PIAS1: variants seen among roughly 807,000 people sequenced by gnomAD.
The protein encoded by PIAS1 is protein inhibitor of activated STAT 1.
A neutral mutation model predicts 71.3 loss-of-function variants in PIAS1; 6 were observed. The ratio of observed to expected loss-of-function variants is 0.08; its 90% CI spans 0.05 to 0.17. The LOEUF (loss-of-function observed/expected upper bound fraction) is 0.17. PIAS1 is among the 10% of genes least tolerant of loss of function. The pLI, the probability that PIAS1 is intolerant of heterozygous loss-of-function variation, is 1.00. For missense variants in PIAS1, 555 were observed against 793.6 expected (o/e 0.70, Z 3.61); for synonymous variants, 303 against 292.9 (o/e 1.03, Z -0.35).
intron 6 of PIAS1, among the ~76,000 whole-genome samples, chr15:68,149,466 A>G (rs924608051): frequency 7.2e-5 from 11 of 151,796 alleles, no homozygotes; most frequent in African/African-American, 2.7e-4. Context: ...TTATAGATTA[A>G]GTTAGGGAGA....
At chr15:68,118,320 CAAAAAAA>C (rs35273377) in intron 2 of PIAS1, among the ~76,000 whole-genome samples, 3 of 143,188 alleles carry the variant, frequency 2.1e-5, no homozygotes, top group Non-Finnish European at 4.5e-5. Context: ...GTGTCTGTCT[CAAAAAAA>C]AAAAAAAAAT....
intron 4 of PIAS1, among the ~76,000 whole-genome samples, chr15:68,144,402 C>G (rs540234509): frequency 3.3e-5 from 5 of 152,124 alleles, no homozygotes; most frequent in Non-Finnish European, 7.4e-5. Context: ...ACTCCCTCCT[C>G]TCTGCCCCAT....
chr15:68,124,788 G>C (rs963832986), intron 2 of PIAS1, among the ~76,000 whole-genome samples: 1 of 152,002 alleles, frequency 6.6e-6, no homozygotes, highest in African/African-American at 2.4e-5. Flanking sequence ...ATGTCAAATA[G>C]GCTCATTTTA....
intron 4 of PIAS1, among the ~76,000 whole-genome samples, chr15:68,144,119 GA>G (rs11330725): frequency 0.32 from 40,183 of 124,454 alleles, 5,696 homozygotes; most frequent in African/African-American, 0.43. Context: ...CCAGGACTTG[GA>G]AAAAAAAAAA....
At chr15:68,120,387 T>A (rs576758573) in intron 2 of PIAS1, among the ~76,000 whole-genome samples, 2 of 152,300 alleles carry the variant, frequency 1.3e-5, no homozygotes, top group East Asian at 1.9e-4. Flanking sequence ...TTTTGTCTTA[T>A]CTGTTATTTT....
chr15:68,059,709 C>CAAAAA (rs770069635), intron 1 of PIAS1, among the ~76,000 whole-genome samples: 87 of 75,490 alleles, frequency 1.2e-3, no homozygotes, highest in East Asian at 1.7e-3. Context: ...CCGTCTCAAA[C>CAAAAA]AAAAAAAAAA....
At chr15:68,104,400 ACC>A (rs2092452694) in intron 2 of PIAS1, among the ~76,000 whole-genome samples, 2 of 152,126 alleles carry the variant, frequency 1.3e-5, no homozygotes, top group South Asian at 4.1e-4. Flanking sequence ...TTGAAATTTT[ACC>A]CAACACATTT....
chr15:68,065,485 G>A (rs1227769839), intron 1 of PIAS1, among the ~76,000 whole-genome samples: 1 of 151,664 alleles, frequency 6.6e-6, no homozygotes, highest in Admixed American at 6.6e-5. Flanking sequence ...CAGCTGCTTG[G>A]GAGGCTGAAG....
chr15:68,095,373 G>C (rs2092365270), intron 2 of PIAS1, among the ~76,000 whole-genome samples: 1 of 152,014 alleles, frequency 6.6e-6, no homozygotes, highest in African/African-American at 2.4e-5. Flanking sequence ...GGACTTGGTT[G>C]TGGTAATCAT....
intron 1 of PIAS1, among the ~76,000 whole-genome samples, chr15:68,065,957 T>G (rs1464752440): frequency 1.6e-5 from 2 of 128,696 alleles, no homozygotes; most frequent in African/African-American, 5.9e-5. Flanking sequence ...GATAGGGTCT[T>G]GCTGTGTTGC....
intron 1 of PIAS1, among the ~76,000 whole-genome samples, chr15:68,066,792 C>G (rs1454019921): frequency 6.7e-6 from 1 of 150,074 alleles, no homozygotes; most frequent in Non-Finnish European, 1.5e-5. Context: ...GGTTAAAGAC[C>G]TTTAAAAAAA....
chr15:68,162,198 A>G (rs538558866), intron 7 of PIAS1, among the ~76,000 whole-genome samples: 10 of 152,244 alleles, frequency 6.6e-5, no homozygotes, highest in South Asian at 2.1e-4. Flanking sequence ...CCTAGGTCCT[A>G]TGCTCTTAAC....
intron 2 of PIAS1, among the ~76,000 whole-genome samples, chr15:68,100,114 A>C (rs993596144): frequency 6.7e-6 from 1 of 149,802 alleles, no homozygotes; most frequent in Non-Finnish European, 1.5e-5. Flanking sequence ...AAAAAAAAAA[A>C]CACCTTTTGA....
chr15:68,104,911 A>T (rs2092456853), intron 2 of PIAS1, among the ~76,000 whole-genome samples: 1 of 152,232 alleles, frequency 6.6e-6, no homozygotes, highest in Non-Finnish European at 1.5e-5. Context: ...CAATAATTAA[A>T]GTTATGAAAG....
At chr15:68,179,484 C>A (rs2093039120) in intron 11 of PIAS1, among the ~76,000 whole-genome samples, 1 of 150,184 alleles carries the variant, frequency 6.7e-6, no homozygotes, top group Non-Finnish European at 1.5e-5. Context: ...TGCTTCATAT[C>A]CCATTCATTA....
At chr15:68,176,402 CTG>C in intron 10 of PIAS1, 70 bp from the exon 11 acceptor site, 1 of 982,230 alleles carries the variant, frequency 1.0e-6, no homozygotes, top group Non-Finnish European at 1.5e-6. Flanking sequence ...AACTGATAAA[CTG>C]TAGTGACACT....
intron 2 of PIAS1, among the ~76,000 whole-genome samples, chr15:68,098,536 G>T (rs2092397141): frequency 6.6e-6 from 1 of 152,064 alleles, no homozygotes; most frequent in Non-Finnish European, 1.5e-5. Context: ...TTAATTTTTT[G>T]ATTGTTTTTA....
At chr15:68,068,710 C>A (rs2092058099) in intron 1 of PIAS1, among the ~76,000 whole-genome samples, 1 of 151,942 alleles carries the variant, frequency 6.6e-6, no homozygotes, top group Admixed American at 6.6e-5. Context: ...ACCTCAGCCT[C>A]CCAAAGTGCT....
intron 2 of PIAS1, among the ~76,000 whole-genome samples, chr15:68,141,712 A>G (rs2092771217): frequency 6.6e-6 from 1 of 152,084 alleles, no homozygotes; most frequent in South Asian, 2.1e-4. Context: ...TTGATTATGT[A>G]TTGTCTGAAT....
Sources: allele counts gnomAD v4.1 joint callset (sites outside exome capture counted in the v4.1 genomes callset), GRCh38; gene constraint gnomAD v4.1.1; transcripts MANE v1.5; gene names NCBI Gene and HGNC (gene_info 2026-07-23, HGNC 2026-07-21).